The following UVRAG variants were observed in gnomAD, a reference collection of about 807,000 sequenced individuals.
UVRAG encodes the protein UV radiation resistance-associated gene protein.
A neutral mutation model predicts 78.0 loss-of-function variants in UVRAG; 19 were observed. That is an observed-to-expected ratio of 0.24 (90% CI 0.17 to 0.36). The LOEUF is 0.36. Ranked by LOEUF, UVRAG falls within the 10% of genes least tolerant of loss-of-function variation. UVRAG has a pLI of 1.00. For synonymous variants in UVRAG, 323 were observed against 324.6 expected (o/e 1.00, Z 0.05); for missense variants, 740 against 853.8 (o/e 0.87, Z 1.66).
At chr11:76,074,058 T>C (rs966295439) in intron 13 of UVRAG, among the ~76,000 whole-genome samples, 3 of 152,168 alleles carry the variant, frequency 2.0e-5, no homozygotes, top group African/African-American at 7.2e-5. Context: ...ATTAAAAATA[T>C]TATTTATATT....
chr11:75,915,775 C>T lies in UVRAG; in HGVS notation c.593+3736C>T, dbSNP rs116287409. 5.0e-3 allele frequency among the ~76,000 whole-genome samples: 760 copies of T among 152,108 alleles called. 6 individuals are homozygous for T. Among genetic ancestry groups the T allele is most frequent in the African/African-American group, 0.017 (716 of 41,480 alleles). ...TAATAGGCTTATTAGGTACCTTTCT[C>T]CTTTTGGTTCTGTTTTTTTAAAGTC... is the stretch of plus-strand genomic sequence containing the variant. On this transcript the variant is annotated intron_variant, in intron 6 of 14. Coordinates refer to ENST00000356136, the MANE Select transcript of UVRAG (RefSeq NM_003369.4).
intron 5 of UVRAG, among the ~76,000 whole-genome samples, chr11:75,890,111 G>A (rs565282765): frequency 3.2e-4 from 48 of 152,330 alleles, no homozygotes; most frequent in Middle Eastern, 3.4e-3. Flanking sequence ...AGTGATACCC[G>A]ATGGGGCTGG....
At chr11:76,091,497 A>G (rs547691736) in intron 13 of UVRAG, among the ~76,000 whole-genome samples, 5 of 151,986 alleles carry the variant, frequency 3.3e-5, no homozygotes, top group South Asian at 2.1e-4. Flanking sequence ...CTGGACTACT[A>G]TCGTTTAGAT....
chr11:75,927,317 C>G (rs955747872), intron 6 of UVRAG, among the ~76,000 whole-genome samples: 47 of 152,114 alleles, frequency 3.1e-4, no homozygotes, highest in African/African-American at 1.1e-3. Flanking sequence ...GATCCGTCTG[C>G]CTTGGCCTCC....
chr11:76,030,658 C>T (rs1950419267), intron 12 of UVRAG, among the ~76,000 whole-genome samples: 1 of 152,150 alleles, frequency 6.6e-6, no homozygotes, highest in African/African-American at 2.4e-5. Context: ...TATTTCCTAC[C>T]TTGATACTCA....
intron 7 of UVRAG, among the ~76,000 whole-genome samples, chr11:75,968,020 G>A (rs927580115): frequency 6.6e-5 from 10 of 152,116 alleles, no homozygotes; most frequent in African/African-American, 2.2e-4. Context: ...TCCATTACTG[G>A]TTGAACATCT....
intron 7 of UVRAG, among the ~76,000 whole-genome samples, chr11:75,974,694 CA>C (rs1233932596): frequency 6.6e-6 from 1 of 152,090 alleles, no homozygotes; most frequent in Non-Finnish European, 1.5e-5. Flanking sequence ...AGTGTCTGTT[CA>C]TACTCTTTGC....
At chr11:75,995,081 A>T (rs1288498430) in intron 8 of UVRAG, among the ~76,000 whole-genome samples, 1 of 152,176 alleles carries the variant, frequency 6.6e-6, no homozygotes, top group East Asian at 1.9e-4. Flanking sequence ...GACTGGTGGA[A>T]ATGATGGTGA....
chr11:75,984,555 T>C (rs565643003), intron 8 of UVRAG, among the ~76,000 whole-genome samples: 39 of 152,308 alleles, frequency 2.6e-4, no homozygotes, highest in African/African-American at 9.4e-4. Flanking sequence ...ATGGAGAAGT[T>C]GTGTCCACAG....
intron 5 of UVRAG, among the ~76,000 whole-genome samples, chr11:75,889,404 C>T (rs1947167572): frequency 6.6e-6 from 1 of 152,178 alleles, no homozygotes; most frequent in Non-Finnish European, 1.5e-5. Context: ...TGTCCTTTTC[C>T]TCACTTAATA....
chr11:75,859,247 G>A (rs1016326463), intron 2 of UVRAG, among the ~76,000 whole-genome samples: 3 of 151,916 alleles, frequency 2.0e-5, no homozygotes, highest in Admixed American at 6.6e-5. Context: ...GTGGTGGTGT[G>A]CACCTGCAAT....
At chr11:76,008,152 C>T (rs1401918971) in intron 10 of UVRAG, among the ~76,000 whole-genome samples, 1 of 152,100 alleles carries the variant, frequency 6.6e-6, no homozygotes, top group Non-Finnish European at 1.5e-5. Context: ...CCTCGTGATC[C>T]ACCCACCTCA....
At position 75,871,049 on chromosome 11, in the gene UVRAG, A is replaced by C. The variant is rs562245440; in HGVS notation, c.271-8830A>C. ...CATGCCTGGCTATTTTTTTATATTT[A>C]GTAGAGATGGGGTTTCATCATAACA... On this transcript the variant is annotated intron_variant, in intron 3 of 14. Transcript: ENST00000356136. Among the ~76,000 whole-genome samples, 70 of 151,932 alleles carry C rather than the reference A, an allele frequency of 4.6e-4. 1 individual carries two copies. The highest frequency in any genetic ancestry group is 1.6e-3 in the African/African-American group (65 of 41,450).
chr11:75,978,939 G>T (rs1949321262), intron 7 of UVRAG, among the ~76,000 whole-genome samples: 1 of 152,196 alleles, frequency 6.6e-6, no homozygotes, highest in African/African-American at 2.4e-5. Context: ...TCCTTTGGAG[G>T]AGAAGAGGTG....
chr11:75,977,607 T>G (rs1251200893), intron 7 of UVRAG, among the ~76,000 whole-genome samples: 1 of 152,222 alleles, frequency 6.6e-6, no homozygotes, highest in Non-Finnish European at 1.5e-5. Context: ...GTTGAATTGA[T>G]CTCTTTACCA....
chr11:75,867,160 TA>T (rs1472517464), intron 3 of UVRAG, among the ~76,000 whole-genome samples: 2 of 152,188 alleles, frequency 1.3e-5, no homozygotes, highest in Non-Finnish European at 2.9e-5. Flanking sequence ...CACAAAATCT[TA>T]ATACTTTTTA....
At chr11:75,817,499 A>G (rs895006886) in intron 1 of UVRAG, among the ~76,000 whole-genome samples, 15 of 152,130 alleles carry the variant, frequency 9.9e-5, no homozygotes, top group Non-Finnish European at 1.8e-4. Flanking sequence ...CGAGTATGCT[A>G]TTTACATCTT....
rs74635849 is a variant in UVRAG, at chr11:76,072,077, T to C, written c.1305+6289T>C. 1.8e-3 allele frequency among the ~76,000 whole-genome samples: 274 copies of C among 152,188 alleles called. 9 individuals are homozygous for C. In the East Asian group the frequency reaches 0.05, roughly 28 times the overall value. On this transcript the variant is annotated intron_variant, in intron 13 of 14. Transcript: ENST00000356136. ...TTAAATCCAGAGAACTAGATGAGAT[T>C]ACCCAGGGAGAGAACGCAGAGCTGA...
chr11:75,855,220 T>C (rs953782530), intron 2 of UVRAG, among the ~76,000 whole-genome samples: 1 of 152,244 alleles, frequency 6.6e-6, no homozygotes, highest in African/African-American at 2.4e-5. Flanking sequence ...GGAGTTGTCA[T>C]TGACTGTTTT....
Sources: gnomAD v4.1 joint callset for allele counts (sites outside exome capture counted in the v4.1 genomes callset) on GRCh38, gnomAD v4.1.1 for gene constraint, MANE v1.5 for transcripts, NCBI Gene and HGNC (gene_info 2026-07-23, HGNC 2026-07-21) for gene names.